The following SLC16A12 variants were observed in gnomAD, a reference collection of about 807,000 sequenced individuals.
SLC16A12 encodes solute carrier family 16 member 12, also known as monocarboxylate transporter 12.
Under a neutral mutation model 42.4 loss-of-function variants are expected in SLC16A12, and 17 were observed. The ratio of observed to expected loss-of-function variants is 0.40; its 90% confidence interval spans 0.27 to 0.60. SLC16A12 has a LOEUF of 0.60. Ranked by LOEUF, SLC16A12 falls within the 20% of genes least tolerant of loss-of-function variation. The pLI is 0.42. For synonymous variants in SLC16A12, 224 were observed against 229.4 expected (o/e 0.98, Z 0.21); for missense variants, 544 against 623.0 (o/e 0.87, Z 1.35).
intron 2 of SLC16A12, among the ~76,000 whole-genome samples, chr10:89,529,778 C>T (rs949276771): frequency 6.6e-6 from 1 of 152,096 alleles, no homozygotes; most frequent in Non-Finnish European, 1.5e-5. Context: ...GAACTCCTGA[C>T]CTCAGGTGAT....
intron 6 of SLC16A12, among the ~76,000 whole-genome samples, 158 bp downstream of exon 6, chr10:89,438,446 C>T (rs1375667081): frequency 6.6e-6 from 1 of 152,148 alleles, no homozygotes; most frequent in Non-Finnish European, 1.5e-5. Flanking sequence ...ATTTTGCCAA[C>T]CTCTGATCTA....
At chr10:89,517,839 A>G (rs930527731) in intron 2 of SLC16A12, among the ~76,000 whole-genome samples, 7 of 152,206 alleles carry the variant, frequency 4.6e-5, no homozygotes, top group Admixed American at 3.9e-4. Flanking sequence ...AGAATAACAT[A>G]CATTGTGAGT....
At chr10:89,502,419 C>T (rs1028223027) in intron 2 of SLC16A12, among the ~76,000 whole-genome samples, 7 of 151,822 alleles carry the variant, frequency 4.6e-5, no homozygotes, top group African/African-American at 1.2e-4. Flanking sequence ...CATTGCAGCC[C>T]GGGCAACAGT....
chr10:89,472,060 C>T (rs913374574), intron 2 of SLC16A12, among the ~76,000 whole-genome samples: 5 of 152,056 alleles, frequency 3.3e-5, no homozygotes, highest in Admixed American at 6.5e-5. Flanking sequence ...TATTTTCTCC[C>T]ACTCTGTGGC....
intron 2 of SLC16A12, among the ~76,000 whole-genome samples, chr10:89,533,786 G>A (rs1046501776): frequency 2.0e-5 from 3 of 150,986 alleles, no homozygotes; most frequent in African/African-American, 7.3e-5. Flanking sequence ...TGCCACAAAA[G>A]CAATTTGATT....
intron 5 of SLC16A12, among the ~76,000 whole-genome samples, chr10:89,440,525 A>C (rs903860621): frequency 2.0e-5 from 3 of 152,236 alleles, no homozygotes; most frequent in Non-Finnish European, 4.4e-5. Flanking sequence ...GCAAACTCCC[A>C]TTGCAGTCCC....
Position 89,438,655 on chromosome 10 carries a change from C to T in SLC16A12, c.977G>A (p.Gly326Glu). The T allele has an allele frequency of 6.2e-7, 1 of 1,613,966 alleles. No individual in the cohort carries two copies. The highest frequency in any genetic ancestry group is 8.5e-7 in the Non-Finnish European group (1 of 1,179,962). ...QQAAFLMSIL[G>E]VIDIIGNITF... ...GATATTGCCAATAATGTCAATCACTCCAAGTATGGACATAAGAAAAGCAGC... is the reference window on the plus strand; with the variant it reads ...GATATTGCCAATAATGTCAATCACTTCAAGTATGGACATAAGAAAAGCAGC... The change falls in exon 6 of 8, where the codon GGA becomes GAA. Residue 326 changes from glycine (G) to glutamate (E), a missense_variant. Gly to Glu is a moderately conservative substitution (Grantham distance 98, BLOSUM62 -2). Coordinates refer to ENST00000371790, the MANE Select transcript of SLC16A12 (RefSeq NM_213606.4).
intron 2 of SLC16A12, among the ~76,000 whole-genome samples, chr10:89,492,228 C>A (rs1842857103): frequency 6.6e-6 from 1 of 152,044 alleles, no homozygotes; most frequent in South Asian, 2.1e-4. Context: ...CCAATAGATA[C>A]CAAGATAAAA....
chr10:89,556,108 A>G (rs1843814470), intron 1 of SLC16A12: 2 of 152,150 alleles, frequency 1.3e-5, no homozygotes, highest in Admixed American at 6.5e-5. Context: ...GCCTCCCAAG[A>G]TGGTCAGCAT....
In SLC16A12 at chr10:89,526,941, G is replaced by A. The variant is rs887423629; in HGVS notation, c.-47+7560C>T. Among the ~76,000 whole-genome samples the A allele has an allele frequency of 3.3e-5, 5 of 151,714 alleles. No individual in the cohort carries two copies. The South Asian group carries it at 1.0e-3, about 32-fold the overall frequency. On this transcript the variant is annotated intron_variant, in intron 2 of 7. Transcript: ENST00000371790. ...AGCCCAAAGCTGGAAGCTGGACATC[G>A]GTCTGCCACCCATTGCCCTCATGCC...
intron 3 of SLC16A12, among the ~76,000 whole-genome samples, chr10:89,445,470 A>G (rs1665435707): frequency 6.6e-6 from 1 of 152,224 alleles, no homozygotes; most frequent in Admixed American, 6.5e-5. Context: ...CAGGGTCTGG[A>G]GTGGACCTCC....
chr10:89,434,938 G>A (rs1305765592), intron 7 of SLC16A12, among the ~76,000 whole-genome samples: 2 of 152,206 alleles, frequency 1.3e-5, no homozygotes, highest in East Asian at 1.9e-4. Flanking sequence ...TGCAGGTGGT[G>A]TAGACCACAT....
At chr10:89,513,149 T>C (rs1843190991) in intron 2 of SLC16A12, among the ~76,000 whole-genome samples, 1 of 152,218 alleles carries the variant, frequency 6.6e-6, no homozygotes, top group Non-Finnish European at 1.5e-5. Flanking sequence ...TGGTAAATTT[T>C]ATGTTATGTA....
Sources: gnomAD v4.1 joint callset for allele counts (sites outside exome capture counted in the v4.1 genomes callset) on GRCh38, gnomAD v4.1.1 for gene constraint, MANE v1.5 for transcripts, NCBI Gene and HGNC (gene_info 2026-07-23, HGNC 2026-07-21) for gene names.